The following ZNF385D variants were observed in gnomAD, a reference collection of about 807,000 sequenced individuals.
ZNF385D encodes the protein zinc finger protein 659.
A neutral mutation model predicts 35.8 loss-of-function variants in ZNF385D; 15 were observed. The observed-to-expected ratio is 0.42, with a 90% CI of 0.28 to 0.64. The LOEUF (loss-of-function observed/expected upper bound fraction) is 0.64, where lower values mean the gene tolerates loss of function less well. Ranked by LOEUF, ZNF385D falls within the 30% of genes least tolerant of loss-of-function variation. The probability of loss-of-function intolerance (pLI) is 0.23; values close to 1 mark genes in which losing one functional copy is unlikely to be tolerated. For missense variants in ZNF385D, 474 were observed against 494.6 expected, an observed-to-expected ratio of 0.96 and a Z score of 0.39; for synonymous variants, 212 against 186.8, an observed-to-expected ratio of 1.13 and a Z score of -1.10.
intron 3 of ZNF385D, among the ~76,000 whole-genome samples, chr3:21,801,903 C>A (rs1280203988): frequency 6.6e-6 from 1 of 152,124 alleles, no homozygotes; most frequent in Non-Finnish European, 1.5e-5. Context: ...CTGAAGCTTT[C>A]TGGCCCATTG....
intron 3 of ZNF385D, among the ~76,000 whole-genome samples, chr3:21,946,973 G>T (rs1168388247): frequency 6.6e-6 from 1 of 151,046 alleles, no homozygotes; most frequent in East Asian, 1.9e-4. Flanking sequence ...GATTGGTCTT[G>T]TGGATTAATG....
At chr3:21,578,819 CT>C (rs1158045100) in intron 2 of ZNF385D, among the ~76,000 whole-genome samples, 1 of 152,020 alleles carries the variant, frequency 6.6e-6, no homozygotes, top group African/African-American at 2.4e-5. Context: ...TATTTGGGGT[CT>C]TTTGTGGTTC....
chr3:21,892,953 A>G (rs1698950086), intron 3 of ZNF385D, among the ~76,000 whole-genome samples: 7 of 152,188 alleles, frequency 4.6e-5, no homozygotes, highest in Admixed American at 4.6e-4. Context: ...GACAATTTCT[A>G]TTGCGTGTAT....
chr3:22,277,313 G>A (rs1003478142), intron 2 of ZNF385D, among the ~76,000 whole-genome samples: 2 of 152,056 alleles, frequency 1.3e-5, no homozygotes, highest in African/African-American at 2.4e-5. Flanking sequence ...GCTTTGAGAG[G>A]CTGAACCTAA....
intron 2 of ZNF385D, among the ~76,000 whole-genome samples, chr3:22,359,227 G>A (rs1402660282): frequency 1.3e-5 from 2 of 151,688 alleles, no homozygotes; most frequent in Non-Finnish European, 2.9e-5. Context: ...ATGCTGGGAG[G>A]ACACTGGAAT....
chr3:22,026,833 G>T (rs1697585447), intron 3 of ZNF385D, among the ~76,000 whole-genome samples: 1 of 152,214 alleles, frequency 6.6e-6, no homozygotes, highest in Admixed American at 6.5e-5. Context: ...CAAGGGTGGT[G>T]ATTCCCACCA....
At chr3:22,334,153 GTTA>G (rs1167156577) in intron 2 of ZNF385D, among the ~76,000 whole-genome samples, 1 of 152,070 alleles carries the variant, frequency 6.6e-6, no homozygotes, top group African/African-American at 2.4e-5. Context: ...TAGATTTACT[GTTA>G]TCCACTGATA....
chr3:21,860,128 C>A (rs556624105), intron 3 of ZNF385D, among the ~76,000 whole-genome samples: 1 of 152,154 alleles, frequency 6.6e-6, no homozygotes, highest in Non-Finnish European at 1.5e-5. Flanking sequence ...TTAACAACTA[C>A]AGAAGTATAT....
At chr3:22,199,090 T>C (rs1696612842) in intron 2 of ZNF385D, among the ~76,000 whole-genome samples, 1 of 152,080 alleles carries the variant, frequency 6.6e-6, no homozygotes, top group South Asian at 2.1e-4. Context: ...ACTCTCAGAA[T>C]CTCTTAGCTC....
At chr3:21,775,373 G>A (rs2071244637) in intron 3 of ZNF385D, among the ~76,000 whole-genome samples, 1 of 151,764 alleles carries the variant, frequency 6.6e-6, no homozygotes, top group South Asian at 2.1e-4. Flanking sequence ...GTTATGACCA[G>A]TGAGGAATTG....
At chr3:21,439,297 C>CAAA (rs143786633) in intron 4 of ZNF385D, among the ~76,000 whole-genome samples, 7 of 89,292 alleles carry the variant, frequency 7.8e-5, no homozygotes, top group African/African-American at 2.6e-4. Context: ...GATTTTGAGG[C>CAAA]AAAAAAAAAA....
chr3:22,285,200 G>C (rs1345095437), intron 2 of ZNF385D, among the ~76,000 whole-genome samples: 1 of 152,094 alleles, frequency 6.6e-6, no homozygotes, highest in Non-Finnish European at 1.5e-5. Flanking sequence ...TCTTCAAACA[G>C]GTTACTCTGT....
chr3:21,607,911 A>C (rs1193519290), intron 2 of ZNF385D, among the ~76,000 whole-genome samples: 1 of 151,766 alleles, frequency 6.6e-6, no homozygotes, highest in African/African-American at 2.4e-5. Flanking sequence ...TTTTCATGAG[A>C]TGTCCCCTTA....
At chr3:21,632,192 CAGAG>C (rs1386424540) in intron 2 of ZNF385D, among the ~76,000 whole-genome samples, 4 of 152,010 alleles carry the variant, frequency 2.6e-5, no homozygotes, top group Non-Finnish European at 5.9e-5. Flanking sequence ...TTTCTACCCT[CAGAG>C]AGCCTATTTT....
chr3:21,865,622 A>G (rs1305924632), intron 3 of ZNF385D, among the ~76,000 whole-genome samples: 1 of 152,082 alleles, frequency 6.6e-6, no homozygotes, highest in Non-Finnish European at 1.5e-5. Flanking sequence ...GCTTTGGGAG[A>G]GCAGAGAGCT....
At chr3:21,480,788 G>A (rs925768402) in intron 4 of ZNF385D, among the ~76,000 whole-genome samples, 3 of 152,152 alleles carry the variant, frequency 2.0e-5, no homozygotes, top group African/African-American at 7.2e-5. Flanking sequence ...TCATTTCAAA[G>A]TAGCAAGTAA....
chr3:21,886,875 C>A (rs1428973272), intron 3 of ZNF385D, among the ~76,000 whole-genome samples: 1 of 152,142 alleles, frequency 6.6e-6, no homozygotes, highest in Admixed American at 6.6e-5. Flanking sequence ...ATTGGATCAG[C>A]AGTGCCCCCG....
chr3:22,073,330 GAA>G (rs5847159), intron 3 of ZNF385D, among the ~76,000 whole-genome samples: 8 of 138,640 alleles, frequency 5.8e-5, no homozygotes, highest in Admixed American at 1.5e-4. Flanking sequence ...AACAGACAGT[GAA>G]AAAAAAAAAA....
intron 2 of ZNF385D, among the ~76,000 whole-genome samples, chr3:22,226,246 T>A (rs907061416): frequency 6.6e-6 from 1 of 152,200 alleles, no homozygotes; most frequent in Admixed American, 6.5e-5. Flanking sequence ...TTACCACAGC[T>A]GGACACAAGA....
Sources: allele counts gnomAD v4.1 joint callset (sites outside exome capture counted in the v4.1 genomes callset), GRCh38; gene constraint gnomAD v4.1.1; transcripts MANE v1.5; gene names NCBI Gene and HGNC (gene_info 2026-07-23, HGNC 2026-07-21).